Variants in DDX10 observed in about 807,000 individuals in gnomAD.
DDX10 encodes DEAD-box helicase 10.
Under a neutral mutation model 104.3 loss-of-function variants are expected in DDX10, and 74 were observed. The ratio of observed to expected loss-of-function variants is 0.71; its 90% CI spans 0.59 to 0.86. The LOEUF is 0.86. Among genes scored for constraint, DDX10 ranks in the 40% least tolerant of loss-of-function variants. The pLI is 0.00. For synonymous variants in DDX10, 351 were observed against 353.4 expected (o/e 0.99, Z 0.08); for missense variants, 952 against 1,040.0 (o/e 0.92, Z 1.16).
chr11:108,918,400 A>T (rs1863781077), intron 17 of DDX10: 1 of 223,878 alleles, frequency 4.5e-6, no homozygotes, highest in Non-Finnish European at 8.6e-6. Flanking sequence ...TTTCATTGTC[A>T]GAGAACTCTA....
chr11:108,890,060 T>C (rs531953761), intron 16 of DDX10, among the ~76,000 whole-genome samples: 7 of 152,254 alleles, frequency 4.6e-5, no homozygotes, highest in African/African-American at 1.7e-4. Flanking sequence ...CAACAGATCT[T>C]GGGTATTTGT....
intron 17 of DDX10, among the ~76,000 whole-genome samples, chr11:108,927,544 A>G (rs1310324800): frequency 6.6e-6 from 1 of 152,146 alleles, no homozygotes; most frequent in Non-Finnish European, 1.5e-5. Flanking sequence ...AAGGCACTGC[A>G]TCCAGCAGGA....
At position 108,699,293 on chromosome 11, in the gene DDX10, G is replaced by A. The variant is rs531679943; in HGVS notation, c.1223+5693G>A. Among the ~76,000 whole-genome samples, 8 of 152,180 alleles carry A rather than the reference G, an allele frequency of 5.3e-5. No homozygotes were observed. In the East Asian group the frequency reaches 5.8e-4, roughly 11 times the overall value. On this transcript the variant is annotated intron_variant, in intron 9 of 17. Transcript: ENST00000322536. ...TTTAAAGCAATAACCATTTATTATC[G>A]CAGCAACCATTTATCTTGTAGCTTC...
At chr11:108,801,225 CA>C (rs1862016276) in intron 13 of DDX10, among the ~76,000 whole-genome samples, 1 of 152,082 alleles carries the variant, frequency 6.6e-6, no homozygotes, top group East Asian at 1.9e-4. Flanking sequence ...TAGAATATAA[CA>C]AAAAAATCTA....
intron 11 of DDX10, among the ~76,000 whole-genome samples, chr11:108,716,668 A>G (rs2134470224): frequency 6.6e-6 from 1 of 152,346 alleles, no homozygotes; most frequent in East Asian, 1.9e-4. Flanking sequence ...CTGCAGCCAA[A>G]TTATCTTTAG....
intron 17 of DDX10, chr11:108,921,667 C>A (rs1863828037): frequency 6.6e-6 from 1 of 152,218 alleles, no homozygotes; most frequent in African/African-American, 2.4e-5. Context: ...TGGAAAGTAG[C>A]TATTAGTCCT....
chr11:108,787,492 A>G (rs1002602917), intron 13 of DDX10, among the ~76,000 whole-genome samples: 9 of 151,998 alleles, frequency 5.9e-5, no homozygotes, highest in Admixed American at 1.3e-4. Flanking sequence ...AGCTGTAAAC[A>G]TGGTCTCTTC....
At chr11:108,875,657 C>A (rs1200389120) in intron 16 of DDX10, among the ~76,000 whole-genome samples, 2 of 152,156 alleles carry the variant, frequency 1.3e-5, no homozygotes, top group Non-Finnish European at 2.9e-5. Flanking sequence ...AAGAGAGGAT[C>A]TTTGTTTCCA....
At chr11:108,670,502 C>T (rs998488393) in intron 1 of DDX10, among the ~76,000 whole-genome samples, 7 of 152,102 alleles carry the variant, frequency 4.6e-5, no homozygotes, top group South Asian at 2.1e-4. Context: ...TGCTGAGCCC[C>T]GCCATTGACT....
intron 9 of DDX10, among the ~76,000 whole-genome samples, chr11:108,695,558 C>T (rs1265689892): frequency 2.0e-5 from 3 of 152,060 alleles, no homozygotes; most frequent in African/African-American, 2.4e-5. Flanking sequence ...GTCCCCTTGG[C>T]GTTTAGTTCT....
chr11:108,905,287 T>A (rs1863576936), intron 16 of DDX10, among the ~76,000 whole-genome samples: 1 of 127,952 alleles, frequency 7.8e-6, no homozygotes, highest in Non-Finnish European at 1.6e-5. Context: ...ATATTATTTA[T>A]TATAAGGTAC....
chr11:108,917,806 C>T lies in DDX10; in HGVS notation c.2305-67C>T. ...TTAGAGGGATATCCATTGGGGTCTG[C>T]AAATAAAACCTGATTATTTATCAAC... On this transcript the variant is annotated intron_variant, in intron 16 of 17. Transcript: ENST00000322536. The T allele has an allele frequency of 2.0e-6, 3 of 1,538,182 alleles. No individual in the cohort carries two copies. In the South Asian group the frequency reaches 3.6e-5, roughly 18 times the overall value.
At chr11:108,923,737 G>C (rs377396008) in intron 17 of DDX10, among the ~76,000 whole-genome samples, 1 of 152,334 alleles carries the variant, frequency 6.6e-6, no homozygotes, top group South Asian at 2.1e-4. Context: ...GAGTGGAGTA[G>C]GTAGGGAATG....
At chr11:108,814,472 C>G (rs932082342) in intron 13 of DDX10, among the ~76,000 whole-genome samples, 2 of 152,078 alleles carry the variant, frequency 1.3e-5, no homozygotes, top group African/African-American at 2.4e-5. Flanking sequence ...GCTCTGATCT[C>G]CAGCAGTTTT....
At chr11:108,864,849 A>G (rs891534118) in intron 16 of DDX10, among the ~76,000 whole-genome samples, 2 of 152,174 alleles carry the variant, frequency 1.3e-5, no homozygotes, top group Admixed American at 6.6e-5. Context: ...ACTAGAAGAT[A>G]TGAGGGTAAA....
chr11:108,796,272 G>T (rs111283801), intron 13 of DDX10, among the ~76,000 whole-genome samples: 59 of 152,212 alleles, frequency 3.9e-4, no homozygotes, highest in African/African-American at 1.3e-3. Flanking sequence ...GCCAATTGTG[G>T]GTTCATTGGT....
At chr11:108,717,244 C>T (rs1423765820) in intron 11 of DDX10, among the ~76,000 whole-genome samples, 2 of 152,176 alleles carry the variant, frequency 1.3e-5, no homozygotes, top group Non-Finnish European at 2.9e-5. Context: ...AGCAGAAAAA[C>T]ATTCAATAGT....
At chr11:108,919,349 G>A (rs879251313) in intron 17 of DDX10, 2 of 152,144 alleles carry the variant, frequency 1.3e-5, no homozygotes, top group South Asian at 4.1e-4. Context: ...GTGCCATAAG[G>A]ATTAAATAAT....
intron 16 of DDX10, among the ~76,000 whole-genome samples, chr11:108,894,179 T>A (rs1234599909): frequency 6.6e-6 from 1 of 152,082 alleles, no homozygotes; most frequent in Admixed American, 6.6e-5. Flanking sequence ...ATGAGAATAA[T>A]ACACTTTGCA....
Sources: allele counts gnomAD v4.1 joint callset (sites outside exome capture counted in the v4.1 genomes callset), GRCh38; gene constraint gnomAD v4.1.1; transcripts MANE v1.5; gene names NCBI Gene and HGNC (gene_info 2026-07-23, HGNC 2026-07-21).